The following FRMD4A variants were observed in gnomAD, a reference collection of about 807,000 sequenced individuals.
The protein encoded by FRMD4A is FERM domain-containing protein 4A.
A neutral mutation model predicts 129.1 loss-of-function variants in FRMD4A; 29 were observed. That is an observed-to-expected ratio of 0.22 (90% confidence interval 0.17 to 0.31). The LOEUF (loss-of-function observed/expected upper bound fraction) is 0.31. Ranked by LOEUF, FRMD4A falls within the 10% of genes least tolerant of loss-of-function variation. The probability of loss-of-function intolerance (pLI) is 1.00; values close to 1 mark genes in which losing one functional copy is unlikely to be tolerated. For synonymous variants in FRMD4A, 634 were observed against 571.6 expected, an observed-to-expected ratio of 1.11 and a Z score of -1.56; for missense variants, 1,272 against 1,375.8, an observed-to-expected ratio of 0.92 and a Z score of 1.19.
rs549911129 is a variant in FRMD4A, at chr10:14,042,266, T to TA, written c.46-183355dup. Among the ~76,000 whole-genome samples the TA allele has an allele frequency of 8.1e-4, 123 of 152,344 alleles. 1 individual carries two copies. Among genetic ancestry groups the TA allele is most frequent in the Admixed American group, 7.5e-3 (114 of 15,302 alleles). ...CCTCTTCCTTATTTGAAGTTGTTTT[T>TA]ACCTTTCTCAGTATTCCACAAGTTA... On this transcript the variant is annotated intron_variant, in intron 2 of 24. Coordinates refer to ENST00000357447, the MANE Select transcript of FRMD4A (RefSeq NM_018027.5).
At chr10:13,825,409 G>A (rs1038259718) in intron 3 of FRMD4A, among the ~76,000 whole-genome samples, 1 of 152,148 alleles carries the variant, frequency 6.6e-6, no homozygotes, top group East Asian at 1.9e-4. Flanking sequence ...GTGGGCAAGC[G>A]AGCATTACCA....
At chr10:13,864,936 T>C (rs2094345710) in intron 2 of FRMD4A, among the ~76,000 whole-genome samples, 1 of 152,160 alleles carries the variant, frequency 6.6e-6, no homozygotes, top group Admixed American at 6.5e-5. Flanking sequence ...GAAGAAAGAA[T>C]CCTAGTTCCA....
chr10:13,899,624 C>T (rs1192356130), intron 2 of FRMD4A, among the ~76,000 whole-genome samples: 1 of 152,186 alleles, frequency 6.6e-6, no homozygotes, highest in Admixed American at 6.5e-5. Flanking sequence ...GATCATACCA[C>T]TGCATTCCAG....
chr10:13,798,813 C>A (rs751810147), intron 4 of FRMD4A, among the ~76,000 whole-genome samples: 2 of 152,218 alleles, frequency 1.3e-5, no homozygotes, highest in Non-Finnish European at 2.9e-5. Flanking sequence ...GACTAGAACA[C>A]AAGATCAGGA....
chr10:13,847,491 G>A (rs543104622), intron 3 of FRMD4A, among the ~76,000 whole-genome samples: 3 of 152,190 alleles, frequency 2.0e-5, no homozygotes, highest in East Asian at 3.9e-4. Context: ...CAGGGGAGGG[G>A]CTCGCTCGCT....
intron 2 of FRMD4A, among the ~76,000 whole-genome samples, chr10:14,295,838 C>G (rs763136700): frequency 2.0e-5 from 3 of 152,056 alleles, no homozygotes; most frequent in African/African-American, 7.2e-5. Context: ...ACGTAATAAG[C>G]CTTCAAAATA....
At chr10:13,759,231 T>A (rs74555520) in intron 8 of FRMD4A, among the ~76,000 whole-genome samples, 1 of 152,338 alleles carries the variant, frequency 6.6e-6, no homozygotes, top group African/African-American at 2.4e-5. Flanking sequence ...ACAGCTGCGC[T>A]TACAAACAAA....
intron 6 of FRMD4A, among the ~76,000 whole-genome samples, chr10:13,779,115 G>C (rs1408055318): frequency 1.3e-5 from 2 of 152,040 alleles, no homozygotes; most frequent in Admixed American, 6.5e-5. Context: ...TCAGGCGTTC[G>C]AGACCGGCCT....
chr10:14,011,704 A>C (rs1313170084), intron 2 of FRMD4A, among the ~76,000 whole-genome samples: 1 of 152,282 alleles, frequency 6.6e-6, no homozygotes, highest in Non-Finnish European at 1.5e-5. Context: ...ATTAAGGGTG[A>C]ACTGAAAAGA....
intron 2 of FRMD4A, among the ~76,000 whole-genome samples, chr10:14,225,415 T>C (rs1843402086): frequency 6.6e-6 from 1 of 152,224 alleles, no homozygotes; most frequent in African/African-American, 2.4e-5. Context: ...AAGTCTTCAA[T>C]CTGATCGAAG....
intron 15 of FRMD4A, chr10:13,684,973 G>T: frequency 1.0e-6 from 1 of 983,800 alleles, no homozygotes; most frequent in Admixed American, 6.2e-5. Flanking sequence ...ATGAGGAAAA[G>T]GTTAGAATTC....
intron 8 of FRMD4A, among the ~76,000 whole-genome samples, chr10:13,749,765 G>C (rs941969916): frequency 6.6e-6 from 1 of 151,882 alleles, no homozygotes; most frequent in Non-Finnish European, 1.5e-5. Flanking sequence ...GAAGTGGGAG[G>C]ATCACTTCAG....
At chr10:13,878,557 A>G (rs1038176195) in intron 2 of FRMD4A, among the ~76,000 whole-genome samples, 2 of 152,170 alleles carry the variant, frequency 1.3e-5, no homozygotes, top group Admixed American at 1.3e-4. Context: ...GTTTGAAACC[A>G]GCCTGGCTAA....
intron 12 of FRMD4A, among the ~76,000 whole-genome samples, chr10:13,721,870 T>TAC (rs1405681616): frequency 6.6e-5 from 10 of 152,290 alleles, no homozygotes; most frequent in Admixed American, 5.2e-4. Context: ...TGCCTAAAAA[T>TAC]ACACACACAC....
intron 2 of FRMD4A, chr10:14,326,553 G>A: frequency 3.4e-6 from 1 of 297,028 alleles, no homozygotes; most frequent in Non-Finnish European, 6.1e-6. Context: ...AGCTTAATTT[G>A]CATTATTTAT....
rs888749956 is a variant in FRMD4A at position 14,193,644 on chromosome 10, A to G, written c.45+136414T>C. Among the ~76,000 whole-genome samples, 3 of 151,850 alleles carry G rather than the reference A, an allele frequency of 2.0e-5. No homozygotes were observed. The East Asian group carries it at 5.8e-4, about 29-fold the overall frequency. On this transcript the variant is annotated intron_variant, in intron 2 of 24. Coordinates refer to ENST00000357447, the MANE Select transcript of FRMD4A (RefSeq NM_018027.5). ...GCAATGAAAGATGGCCTGGAAACCA[A>G]GCAAAAAGTTGCAGTAGGGACCAGC... is the stretch of plus-strand genomic sequence containing the variant.
At chr10:14,045,249 T>A (rs1355506880) in intron 2 of FRMD4A, among the ~76,000 whole-genome samples, 1 of 152,192 alleles carries the variant, frequency 6.6e-6, no homozygotes, top group African/African-American at 2.4e-5. Flanking sequence ...CTAGCAAAAC[T>A]GCTTGCTCCT....
At chr10:14,317,756 GA>G (rs66793271) in intron 2 of FRMD4A, among the ~76,000 whole-genome samples, 108 of 123,330 alleles carry the variant, frequency 8.8e-4, no homozygotes, top group Middle Eastern at 4.1e-3. Context: ...ACAAGAGACG[GA>G]AAAAAAAAAA....
At chr10:13,912,157 T>C (rs2094947393) in intron 2 of FRMD4A, among the ~76,000 whole-genome samples, 1 of 152,182 alleles carries the variant, frequency 6.6e-6, no homozygotes, top group African/African-American at 2.4e-5. Flanking sequence ...CTTTATATTA[T>C]AGAAAAGAAT....
Sources: gnomAD v4.1 joint callset for allele counts (sites outside exome capture counted in the v4.1 genomes callset) on GRCh38, gnomAD v4.1.1 for gene constraint, MANE v1.5 for transcripts, NCBI Gene and HGNC (gene_info 2026-07-23, HGNC 2026-07-21) for gene names.